CYP19A1: variants seen among roughly 807,000 people sequenced by gnomAD.
The protein encoded by CYP19A1 is aromatase.
Under a neutral mutation model 44.4 loss-of-function variants are expected in CYP19A1, and 32 were observed. The observed-to-expected ratio is 0.72, with a 90% CI of 0.54 to 0.97. The LOEUF is 0.97. Among genes scored for constraint, CYP19A1 ranks in the 50% least tolerant of loss-of-function variants. The pLI is 0.00. For missense variants in CYP19A1, 598 were observed against 637.8 expected (o/e 0.94, Z 0.67); for synonymous variants, 212 against 215.6 (o/e 0.98, Z 0.14).
intron 4 of CYP19A1, among the ~76,000 whole-genome samples, chr15:51,227,468 C>T (rs1335358739): frequency 4.6e-5 from 7 of 151,832 alleles, no homozygotes; most frequent in Admixed American, 4.6e-4. Flanking sequence ...TGAGTTTGAG[C>T]CCAGCCTGGT....
chr15:51,220,795 C>T (rs1595678973), intron 5 of CYP19A1, among the ~76,000 whole-genome samples: 1 of 152,240 alleles, frequency 6.6e-6, no homozygotes, highest in East Asian at 1.9e-4. Flanking sequence ...TTATTTTCTT[C>T]ACTACACTGA....
intron 3 of CYP19A1, among the ~76,000 whole-genome samples, chr15:51,233,339 G>T (rs1199957012): frequency 6.6e-6 from 1 of 152,118 alleles, no homozygotes; most frequent in Admixed American, 6.5e-5. Flanking sequence ...GAAACAATTG[G>T]TCACTCTACT....
At chr15:51,297,017 G>A (rs1448366445) in intron 1 of CYP19A1, among the ~76,000 whole-genome samples, 1 of 152,172 alleles carries the variant, frequency 6.6e-6, no homozygotes, top group Non-Finnish European at 1.5e-5. Context: ...AAAATGAGCA[G>A]GAGGCCAAGA....
chr15:51,252,678 TG>T (rs1228872745), intron 1 of CYP19A1, among the ~76,000 whole-genome samples: 155 of 152,316 alleles, frequency 1.0e-3, no homozygotes, highest in African/African-American at 3.6e-3. Context: ...TCCAGGTTTC[TG>T]CCAAGGAGGG....
chr15:51,309,286 A>G (rs148419109), intron 1 of CYP19A1, among the ~76,000 whole-genome samples: 2 of 152,280 alleles, frequency 1.3e-5, no homozygotes, highest in East Asian at 3.9e-4. Context: ...CTCTGCTAGC[A>G]CCCTGATCTC....
intron 1 of CYP19A1, among the ~76,000 whole-genome samples, chr15:51,334,249 T>C (rs1025166267): frequency 6.6e-6 from 1 of 152,222 alleles, no homozygotes; most frequent in African/African-American, 2.4e-5. Context: ...TTTCCTACTT[T>C]TGATAAACAG....
intron 1 of CYP19A1, among the ~76,000 whole-genome samples, chr15:51,254,084 CT>C (rs1319828902): frequency 6.6e-6 from 1 of 152,138 alleles, no homozygotes; most frequent in African/African-American, 2.4e-5. Flanking sequence ...AGAGGCAGTG[CT>C]CTCTTAGTCG....
At chr15:51,223,671 A>G (rs1462351217) in intron 4 of CYP19A1, among the ~76,000 whole-genome samples, 3 of 150,806 alleles carry the variant, frequency 2.0e-5, no homozygotes, top group African/African-American at 4.9e-5. Flanking sequence ...GCCTAAAGGT[A>G]TACTTTGCAA....
chr15:51,263,885 A>G (rs2034821539), intron 1 of CYP19A1, among the ~76,000 whole-genome samples: 1 of 152,196 alleles, frequency 6.6e-6, no homozygotes, highest in Non-Finnish European at 1.5e-5. Flanking sequence ...GAGTTTGGAG[A>G]GCATGAAGTT....
At chr15:51,302,865 T>C (rs2036143257) in intron 1 of CYP19A1, among the ~76,000 whole-genome samples, 1 of 152,220 alleles carries the variant, frequency 6.6e-6, no homozygotes, top group Admixed American at 6.5e-5. Flanking sequence ...AGTAAGCTCC[T>C]CAAAGGCAGG....
At chr15:51,313,805 C>CA (rs2036366635) in intron 1 of CYP19A1, among the ~76,000 whole-genome samples, 1 of 152,004 alleles carries the variant, frequency 6.6e-6, no homozygotes, top group Non-Finnish European at 1.5e-5. Flanking sequence ...TCAAAACAAA[C>CA]AAAAAACCTC....
intron 4 of CYP19A1, among the ~76,000 whole-genome samples, chr15:51,226,458 T>G (rs770596236): frequency 6.6e-6 from 1 of 152,162 alleles, no homozygotes; most frequent in African/African-American, 2.4e-5. Context: ...AATAGGAAAG[T>G]GATACACTGG....
At chr15:51,251,334 C>G (rs1410563158) in intron 1 of CYP19A1, among the ~76,000 whole-genome samples, 1 of 152,166 alleles carries the variant, frequency 6.6e-6, no homozygotes, top group African/African-American at 2.4e-5. Flanking sequence ...GTGGTGAGAT[C>G]CAGAGCCATG....
chr15:51,290,079 C>T (rs566479225), intron 1 of CYP19A1, among the ~76,000 whole-genome samples: 35 of 151,022 alleles, frequency 2.3e-4, no homozygotes, highest in Non-Finnish European at 4.2e-4. Flanking sequence ...CCCAGTGAGC[C>T]CTCACTTCCC....
chr15:51,243,058 A>G, intron 1 of CYP19A1, 108 bp from the exon 2 acceptor site: 1 of 746,264 alleles, frequency 1.3e-6, no homozygotes, highest in East Asian at 2.5e-5. Context: ...TTACTGTTTT[A>G]TAATGTGATC....
At chr15:51,255,738 G>A (rs1306465969) in intron 1 of CYP19A1, 1 of 152,242 alleles carries the variant, frequency 6.6e-6, no homozygotes, top group Non-Finnish European at 1.5e-5. Flanking sequence ...GGCAGGCGGG[G>A]AACTCAGGGA....
intron 1 of CYP19A1, among the ~76,000 whole-genome samples, chr15:51,290,886 G>A (rs1381165739): frequency 6.6e-6 from 1 of 152,150 alleles, no homozygotes; most frequent in Non-Finnish European, 1.5e-5. Flanking sequence ...TGATCCTCTT[G>A]CCTAGGATCT....
intron 1 of CYP19A1, among the ~76,000 whole-genome samples, chr15:51,325,054 C>T (rs2036585570): frequency 1.3e-5 from 2 of 152,070 alleles, no homozygotes; most frequent in Non-Finnish European, 2.9e-5. Context: ...AATTCCTGAA[C>T]CAGGTAAAAT....
intron 1 of CYP19A1, among the ~76,000 whole-genome samples, chr15:51,247,777 T>C (rs1309712269): frequency 6.6e-6 from 1 of 152,210 alleles, no homozygotes. Flanking sequence ...ATTGGTGTTT[T>C]GTACTTCCCT....
Sources: allele counts gnomAD v4.1 joint callset (sites outside exome capture counted in the v4.1 genomes callset), GRCh38; gene constraint gnomAD v4.1.1; transcripts MANE v1.5; gene names NCBI Gene and HGNC (gene_info 2026-07-23, HGNC 2026-07-21).